Variants in ST8SIA4 observed in about 807,000 individuals in gnomAD.
ST8SIA4 encodes the protein CMP-N-acetylneuraminate-poly-alpha-2,8-sialyltransferase.
A neutral mutation model predicts 33.9 loss-of-function variants in ST8SIA4; 15 were observed. The observed-to-expected ratio is 0.44, with a 90% CI of 0.30 to 0.68. ST8SIA4 has a LOEUF of 0.68. Among genes scored for constraint, ST8SIA4 ranks in the 30% least tolerant of loss-of-function variants. The pLI is 0.10. For missense variants in ST8SIA4, 321 were observed against 428.0 expected (o/e 0.75, Z 2.21); for synonymous variants, 171 against 151.2 (o/e 1.13, Z -0.96).
chr5:100,818,311 G>A (rs1363286838), intron 4 of ST8SIA4, among the ~76,000 whole-genome samples: 1 of 152,146 alleles, frequency 6.6e-6, no homozygotes, highest in African/African-American at 2.4e-5. Flanking sequence ...GTGTTATGGT[G>A]ATTAACAGGC....
At chr5:100,893,768 A>G (rs1371550747) in intron 2 of ST8SIA4, among the ~76,000 whole-genome samples, 1 of 152,168 alleles carries the variant, frequency 6.6e-6, no homozygotes, top group African/African-American at 2.4e-5. Context: ...GGCTAGATAT[A>G]CTAGTTAAAC....
intron 4 of ST8SIA4, among the ~76,000 whole-genome samples, chr5:100,839,338 A>T (rs1751427826): frequency 1.3e-5 from 2 of 152,116 alleles, no homozygotes; most frequent in South Asian, 4.1e-4. Flanking sequence ...TTTGCCAGAA[A>T]AGATCTTGAT....
chr5:100,843,935 T>G (rs962222058), intron 4 of ST8SIA4, among the ~76,000 whole-genome samples: 1 of 151,922 alleles, frequency 6.6e-6, no homozygotes, highest in Non-Finnish European at 1.5e-5. Context: ...TCTCCAATAT[T>G]TGAAGTTTAG....
At chr5:100,836,730 A>ATTAT (rs1437965382) in intron 4 of ST8SIA4, among the ~76,000 whole-genome samples, 1 of 151,986 alleles carries the variant, frequency 6.6e-6, no homozygotes, top group Non-Finnish European at 1.5e-5. Context: ...ATCAACTTGA[A>ATTAT]TTATTCATAA....
At chr5:100,887,723 T>C (rs189007790) in intron 2 of ST8SIA4, among the ~76,000 whole-genome samples, 4 of 152,174 alleles carry the variant, frequency 2.6e-5, no homozygotes, top group Admixed American at 2.6e-4. Context: ...GTGCCATGCA[T>C]CTAATAAATA....
At chr5:100,875,756 G>A (rs764031624) in intron 3 of ST8SIA4, among the ~76,000 whole-genome samples, 5 of 152,064 alleles carry the variant, frequency 3.3e-5, no homozygotes, top group South Asian at 2.1e-4. Context: ...TAAACTTGAC[G>A]TTTATCTTTT....
chr5:100,859,467 T>C (rs1470403347), intron 3 of ST8SIA4, among the ~76,000 whole-genome samples: 1 of 152,096 alleles, frequency 6.6e-6, no homozygotes, highest in Admixed American at 6.6e-5. Context: ...ATTTTATATT[T>C]GACATGTTGA....
At position 100,895,780 on chromosome 5, in the gene ST8SIA4, C is replaced by G. The variant is rs1433149057; in HGVS notation, c.119G>C (p.Gly40Ala). ...EHQETQLIGD[G>A]ELSLSRSLVN... is the part of the protein sequence containing the mutation. ...AAGTGACCGACTCAAAGACAATTCA[C>G]CATCTCTGAAACAAAACAAAATTGC... Residue 40 changes from glycine (G) to alanine (A), a missense_variant, in exon 2 of 5, where the codon GGT becomes GCT. Transcript: ENST00000231461. 8 of 1,612,038 alleles carry G rather than the reference C, an allele frequency of 5.0e-6. No individual in the cohort carries two copies. Among genetic ancestry groups the G allele is most frequent in the Middle Eastern group, 1.7e-4 (1 of 6,054 alleles).
intron 3 of ST8SIA4, among the ~76,000 whole-genome samples, chr5:100,872,332 T>G (rs1026663351): frequency 6.6e-6 from 1 of 152,236 alleles, no homozygotes; most frequent in East Asian, 1.9e-4. Context: ...CATTTCTTTC[T>G]GGTGATAACA....
At chr5:100,895,001 T>C (rs1272910117) in intron 2 of ST8SIA4, among the ~76,000 whole-genome samples, 1 of 152,082 alleles carries the variant, frequency 6.6e-6, no homozygotes, top group Non-Finnish European at 1.5e-5. Context: ...GTTTCCTCCA[T>C]AATTAAGAAG....
chr5:100,859,847 A>C (rs1268418895), intron 3 of ST8SIA4, among the ~76,000 whole-genome samples: 2 of 152,124 alleles, frequency 1.3e-5, no homozygotes, highest in Non-Finnish European at 2.9e-5. Context: ...ATACTTCAAC[A>C]ATGTATGCAA....
intron 4 of ST8SIA4, chr5:100,849,543 A>G (rs1465276018): frequency 1.3e-6 from 1 of 794,048 alleles, no homozygotes; most frequent in South Asian, 5.8e-5. Context: ...GCACTTTGGG[A>G]GGCTAAGGCG....
At chr5:100,888,843 C>T (rs1752597044) in intron 2 of ST8SIA4, among the ~76,000 whole-genome samples, 1 of 151,856 alleles carries the variant, frequency 6.6e-6, no homozygotes, top group African/African-American at 2.4e-5. Flanking sequence ...AAAAACTCTG[C>T]TCTAATTTTA....
intron 3 of ST8SIA4, among the ~76,000 whole-genome samples, chr5:100,871,443 T>A (rs1752196094): frequency 6.6e-6 from 1 of 152,124 alleles, no homozygotes; most frequent in Non-Finnish European, 1.5e-5. Context: ...ACTACATTTA[T>A]ATCTAATTTT....
rs1207885537 is a variant in ST8SIA4, at chr5:100,876,853, AT to A, written c.503+9489del. Among the ~76,000 whole-genome samples, 20 of 151,862 alleles carry A rather than the reference AT, an allele frequency of 1.3e-4. No homozygotes were observed. The East Asian group carries it at 3.3e-3, about 25-fold the overall frequency. On this transcript the variant is annotated intron_variant, in intron 3 of 4. Coordinates refer to ENST00000231461, the MANE Select transcript of ST8SIA4 (RefSeq NM_005668.6). ...AAATTGAGCTTTAATTTATTTTCCT[AT>A]TTTTTTCTGTTTCTTTTTTTAACTT...
At chr5:100,869,413 G>C (rs1037740612) in intron 3 of ST8SIA4, among the ~76,000 whole-genome samples, 1 of 152,086 alleles carries the variant, frequency 6.6e-6, no homozygotes, top group East Asian at 1.9e-4. Flanking sequence ...AGATAACAAT[G>C]ATAACATTTC....
chr5:100,828,629 T>TC (rs1275600149), intron 4 of ST8SIA4, among the ~76,000 whole-genome samples: 1 of 152,164 alleles, frequency 6.6e-6, no homozygotes, highest in Non-Finnish European at 1.5e-5. Context: ...CATAGACATC[T>TC]CTAGGGCTAT....
chr5:100,886,150 T>C, intron 3 of ST8SIA4, 193 bp downstream of exon 3: 5 of 1,370,958 alleles, frequency 3.6e-6, no homozygotes, highest in South Asian at 1.7e-5. Flanking sequence ...GATCACTTTT[T>C]CTTTCAACTA....
chr5:100,812,452 A>G (rs999147381), intron 4 of ST8SIA4, among the ~76,000 whole-genome samples: 3 of 152,148 alleles, frequency 2.0e-5, no homozygotes, highest in African/African-American at 2.4e-5. Context: ...AATTTTCTCA[A>G]AAAGGATTAA....
Sources: gnomAD v4.1 joint callset for allele counts (sites outside exome capture counted in the v4.1 genomes callset) on GRCh38, gnomAD v4.1.1 for gene constraint, MANE v1.5 for transcripts, NCBI Gene and HGNC (gene_info 2026-07-23, HGNC 2026-07-21) for gene names.